GRID2: variants seen among roughly 807,000 people sequenced by gnomAD.
The protein encoded by GRID2 is glutamate receptor ionotropic, delta-2.
A neutral mutation model predicts 114.8 loss-of-function variants in GRID2; 33 were observed. The observed-to-expected ratio is 0.29, with a 90% confidence interval of 0.22 to 0.38. The LOEUF (loss-of-function observed/expected upper bound fraction) is 0.38, where lower values mean the gene tolerates loss of function less well. GRID2 is among the 10% of genes least tolerant of loss of function. The pLI is 1.00. For missense variants in GRID2, 1,184 were observed against 1,257.7 expected (o/e 0.94, Z 0.89); for synonymous variants, 505 against 449.9 (o/e 1.12, Z -1.55).
intron 3 of GRID2, among the ~76,000 whole-genome samples, chr4:93,096,511 C>A (rs994423924): frequency 2.6e-5 from 4 of 151,906 alleles, no homozygotes; most frequent in Admixed American, 1.3e-4. Flanking sequence ...TAAAAAGCAC[C>A]AGTATGAAAC....
At position 93,001,035 on chromosome 4, in the gene GRID2, A is replaced by G. The variant is rs564309924; in HGVS notation, c.245-83960A>G. On this transcript the variant is annotated intron_variant, in intron 2 of 15. Transcript: ENST00000282020. ...GCAGTATTTCATTAAATTAGAAAATACAAGAGTAAAATGATTTTGCTAGTA... is the reference window on the plus strand; with the variant it reads ...GCAGTATTTCATTAAATTAGAAAATGCAAGAGTAAAATGATTTTGCTAGTA... Among the ~76,000 whole-genome samples, 11 of 151,816 alleles carry G rather than the reference A, an allele frequency of 7.2e-5. No individual in the cohort carries two copies. The East Asian group carries it at 2.1e-3, about 29-fold the overall frequency.
chr4:92,474,960 AT>A (rs1237998250), intron 1 of GRID2, among the ~76,000 whole-genome samples: 504 of 20,642 alleles, frequency 0.024, 1 homozygote, highest in Non-Finnish European at 0.037. Context: ...GATTGTTTTA[AT>A]TTTTTTGGGG....
intron 13 of GRID2, among the ~76,000 whole-genome samples, chr4:93,614,932 A>T (rs1741442508): frequency 6.6e-6 from 1 of 152,202 alleles, no homozygotes; most frequent in African/African-American, 2.4e-5. Context: ...CTTCTCCGAT[A>T]ATACTTCAAT....
chr4:92,462,774 T>C (rs180747731), intron 1 of GRID2, among the ~76,000 whole-genome samples: 106 of 152,086 alleles, frequency 7.0e-4, no homozygotes, highest in African/African-American at 2.5e-3. Context: ...TACTGAAATA[T>C]TAAAAACAAG....
intron 2 of GRID2, among the ~76,000 whole-genome samples, chr4:93,010,710 A>T (rs1264631688): frequency 2.6e-5 from 4 of 151,828 alleles, no homozygotes; most frequent in African/African-American, 9.7e-5. Flanking sequence ...ACTCCAGAGG[A>T]TTTTTTTTAA....
At chr4:93,241,876 A>G (rs1747558209) in intron 8 of GRID2, among the ~76,000 whole-genome samples, 1 of 151,748 alleles carries the variant, frequency 6.6e-6, no homozygotes, top group African/African-American at 2.4e-5. Context: ...GAGATTTTTT[A>G]CAATGTAAGA....
chr4:93,172,667 G>T (rs114509008), intron 4 of GRID2, among the ~76,000 whole-genome samples: 1,853 of 152,166 alleles, frequency 0.012, 48 homozygotes, highest in African/African-American at 0.042. Flanking sequence ...TAATACAATG[G>T]ACCCACACAT....
chr4:93,123,549 C>T (rs1455836684), intron 4 of GRID2, among the ~76,000 whole-genome samples: 1 of 152,158 alleles, frequency 6.6e-6, no homozygotes, highest in East Asian at 1.9e-4. Context: ...TGATTCCATA[C>T]CCCAAGGGAT....
At chr4:93,537,957 G>A (rs940780889) in intron 13 of GRID2, among the ~76,000 whole-genome samples, 16 of 151,652 alleles carry the variant, frequency 1.1e-4, no homozygotes, top group African/African-American at 3.6e-4. Flanking sequence ...TTCTAGGTAA[G>A]GCTACATAAG....
intron 2 of GRID2, chr4:92,833,819 T>C (rs1409353705): frequency 2.0e-5 from 3 of 152,252 alleles, no homozygotes; most frequent in Admixed American, 2.0e-4. Context: ...AACAGGCTCC[T>C]GCATAGCACT....
intron 1 of GRID2, among the ~76,000 whole-genome samples, chr4:92,470,301 C>T (rs896982433): frequency 6.6e-6 from 1 of 151,780 alleles, no homozygotes; most frequent in African/African-American, 2.4e-5. Context: ...TCATTAAAAA[C>T]TTCCAAAGGG....
intron 14 of GRID2, among the ~76,000 whole-genome samples, chr4:93,663,314 A>C (rs1478724736): frequency 6.6e-6 from 1 of 152,148 alleles, no homozygotes; most frequent in Non-Finnish European, 1.5e-5. Context: ...TTGAGTGCTC[A>C]TGAAGAGTCC....
rs72887665 is a variant in GRID2 at position 93,134,411 on chromosome 4, T to A, written c.735+23458T>A. 3.4e-3 allele frequency among the ~76,000 whole-genome samples: 525 copies of A among 152,310 alleles called. 5 individuals carry two copies. Among genetic ancestry groups the A allele is most frequent in the African/African-American group, 0.012 (496 of 41,576 alleles). ...CTGAGTAATGGGATGGTGCTTAGTGTTCTCCTAATAGCAATTTTCTGAGTC... is the reference window on the plus strand; with the variant it reads ...CTGAGTAATGGGATGGTGCTTAGTGATCTCCTAATAGCAATTTTCTGAGTC... On this transcript the variant is annotated intron_variant, in intron 4 of 15. Coordinates refer to ENST00000282020, the MANE Select transcript of GRID2 (RefSeq NM_001510.4).
chr4:92,525,549 A>T (rs768907542), intron 1 of GRID2, among the ~76,000 whole-genome samples: 3 of 152,120 alleles, frequency 2.0e-5, no homozygotes, highest in Non-Finnish European at 4.4e-5. Flanking sequence ...GAGAAAAAAG[A>T]AGCAGAGATT....
At chr4:93,008,446 T>C (rs932437415) in intron 2 of GRID2, among the ~76,000 whole-genome samples, 1 of 152,114 alleles carries the variant, frequency 6.6e-6, no homozygotes, top group Non-Finnish European at 1.5e-5. Context: ...CCAATCTATA[T>C]AGTTGAATTT....
chr4:92,740,731 GA>G (rs1736849806), intron 2 of GRID2, among the ~76,000 whole-genome samples: 3 of 145,638 alleles, frequency 2.1e-5, no homozygotes, highest in African/African-American at 8.1e-5. Flanking sequence ...TAGATAGATA[GA>G]TAGATAGATG....
chr4:93,011,180 T>A (rs1026058637), intron 2 of GRID2, among the ~76,000 whole-genome samples: 12 of 151,960 alleles, frequency 7.9e-5, no homozygotes, highest in Non-Finnish European at 1.5e-4. Context: ...TAATTACTTT[T>A]GGAAGGAAGA....
At chr4:93,111,196 A>G (rs2149351956) in intron 4 of GRID2, among the ~76,000 whole-genome samples, 1 of 152,278 alleles carries the variant, frequency 6.6e-6, no homozygotes, top group South Asian at 2.1e-4. Context: ...CAATTTTAAG[A>G]AGTCTTATAG....
chr4:92,696,688 A>G (rs1389840941), intron 2 of GRID2, among the ~76,000 whole-genome samples: 2 of 152,112 alleles, frequency 1.3e-5, no homozygotes, highest in Non-Finnish European at 2.9e-5. Context: ...TTGCAATGAC[A>G]CTTTAGATTA....
Sources: allele counts gnomAD v4.1 joint callset (sites outside exome capture counted in the v4.1 genomes callset), GRCh38; gene constraint gnomAD v4.1.1; transcripts MANE v1.5; gene names NCBI Gene and HGNC (gene_info 2026-07-23, HGNC 2026-07-21).